The following WNT9A variants were observed in gnomAD, a reference collection of about 807,000 sequenced individuals.
WNT9A encodes protein Wnt-9a.
Under a neutral mutation model 31.4 loss-of-function variants are expected in WNT9A, and 8 were observed. That is an observed-to-expected ratio of 0.26 (90% CI 0.15 to 0.46). WNT9A has a LOEUF of 0.46. Among genes scored for constraint, WNT9A ranks in the 20% least tolerant of loss-of-function variants. The pLI is 0.99. For synonymous variants in WNT9A, 236 were observed against 220.1 expected (o/e 1.07, Z -0.64); for missense variants, 457 against 522.9 (o/e 0.87, Z 1.23).
chr1:227,945,774 C>T (rs983371155), intron 1 of WNT9A, among the ~76,000 whole-genome samples: 8 of 152,110 alleles, frequency 5.3e-5, no homozygotes, highest in Non-Finnish European at 8.8e-5. Context: ...GAGAGGCCTC[C>T]GCACAACCCA....
rs115133140 is a variant in WNT9A, at chr1:227,921,692, G to T, written c.924C>A (p.Thr308=). Residue 308 remains threonine (T), a synonymous_variant, in exon 4 of 4, where the codon ACC becomes ACA. Coordinates refer to ENST00000272164, the MANE Select transcript of WNT9A (RefSeq NM_003395.4). The part of the protein sequence containing the change: ...FCLAGRFSPG[T]AGRRCHREKN... The stretch of plus-strand genomic sequence containing the variant: ...TCTCACGGTGGCACCTACGGCCAGC[G>T]GTGCCCGGGGAGAAGCGGCCAGCCA... The T allele has an allele frequency of 8.7e-6, 14 of 1,612,812 alleles. No homozygotes were observed. Among genetic ancestry groups the T allele is most frequent in the Non-Finnish European group, 1.2e-5 (14 of 1,179,898 alleles).
chr1:227,923,872 G>A (rs1398556281), intron 3 of WNT9A, among the ~76,000 whole-genome samples: 1 of 152,130 alleles, frequency 6.6e-6, no homozygotes, highest in Admixed American at 6.5e-5. Context: ...CCCCTCTGCA[G>A]GCAGACATGG....
chr1:227,922,877 A>C (rs1359564728), intron 3 of WNT9A, among the ~76,000 whole-genome samples: 1 of 151,958 alleles, frequency 6.6e-6, no homozygotes, highest in Non-Finnish European at 1.5e-5. Context: ...AGGATTAAGA[A>C]ATCCAGCCAC....
rs1409750759 is a variant in WNT9A at position 227,920,708 on chromosome 1, A to C, written c.*810T>G. On this transcript the variant is annotated 3_prime_UTR_variant, in exon 4 of 4. Transcript: ENST00000272164. ...GCATGGTCACCAAGGTGCACCTGCC[A>C]CCCATGCCTCAGAGGAGGTGGGGAG... The C allele has an allele frequency of 6.6e-6, 1 of 152,126 alleles. No individual in the cohort carries two copies. Among genetic ancestry groups the C allele is most frequent in the Non-Finnish European group, 1.5e-5 (1 of 68,050 alleles). The allele number at this position is 152,126 out of a possible 1,614,324, so 9.4% of individuals were successfully genotyped here. A position where few individuals can be genotyped will look rare whatever the true frequency, so the allele number is the denominator to read the frequency against.
At chr1:227,927,863 G>A (rs1666445347) in intron 1 of WNT9A, among the ~76,000 whole-genome samples, 1 of 152,118 alleles carries the variant, frequency 6.6e-6, no homozygotes, top group Non-Finnish European at 1.5e-5. Flanking sequence ...AACTGTGGGT[G>A]TGGACAGGGG....
rs556517743 is a variant in WNT9A at position 227,921,372 on chromosome 1, G to A, written c.*146C>T. On this transcript the variant is annotated 3_prime_UTR_variant, in exon 4 of 4. Coordinates refer to ENST00000272164, the MANE Select transcript of WNT9A (RefSeq NM_003395.4). ...GCCCAGGGACTCAGCCCATGCAGGT[G>A]TAGACCCATTCACACTGTGTGCAAT... 3.0e-6 allele frequency: 4 copies of A among 1,319,572 alleles called. No individual in the cohort carries two copies. The African/African-American group carries it at 4.6e-5, about 15-fold the overall frequency. 81.7% of individuals were successfully genotyped at this position (1,319,572 alleles called of 1,614,324 possible). A position where few individuals can be genotyped will look rare whatever the true frequency, so the allele number is the denominator to read the frequency against.
chr1:227,928,123 G>T lies in WNT9A; in HGVS notation c.96-2604C>A, dbSNP rs756182153. Among the ~76,000 whole-genome samples, 7 of 152,214 alleles carry T rather than the reference G, an allele frequency of 4.6e-5. No homozygotes were observed. The highest frequency in any genetic ancestry group is 3.4e-3 in the Middle Eastern group (1 of 294). ...GGTCAGTGTGAGGCCCGAGCACGCC[G>T]GGGCACTGAGAGCTGGTTTGACGGT... On this transcript the variant is annotated intron_variant, in intron 1 of 3. Coordinates refer to ENST00000272164, the MANE Select transcript of WNT9A (RefSeq NM_003395.4). This position sits in a 1 kb window ranked among gnomAD's most constrained non-coding sequence, Gnocchi z 4.5.
chr1:227,924,059 C>CCA, intron 3 of WNT9A, 79 bp downstream of exon 3: 1 of 695,792 alleles, frequency 1.4e-6, no homozygotes, highest in Non-Finnish European at 2.1e-6. Context: ...GCCCCGCCCC[C>CCA]AGTCCCACGC....
intron 3 of WNT9A, among the ~76,000 whole-genome samples, chr1:227,922,387 C>G (rs1666337219): frequency 6.6e-6 from 1 of 152,262 alleles, no homozygotes; most frequent in Non-Finnish European, 1.5e-5. Context: ...GCTCTCAGCA[C>G]ACAGCTTGCT....
intron 1 of WNT9A, among the ~76,000 whole-genome samples, chr1:227,934,707 C>T (rs1386584509): frequency 2.0e-5 from 3 of 152,184 alleles, no homozygotes; most frequent in African/African-American, 7.2e-5. Flanking sequence ...AAAGCTATCA[C>T]TGTCATCATT....
In WNT9A at chr1:227,921,459, C is replaced by A; in HGVS notation, c.*59G>T. The A allele has an allele frequency of 2.6e-6, 4 of 1,556,736 alleles. No individual in the cohort carries two copies. The South Asian group carries it at 3.7e-5, about 14-fold the overall frequency. On this transcript the variant is annotated 3_prime_UTR_variant, in exon 4 of 4. Coordinates refer to ENST00000272164, the MANE Select transcript of WNT9A (RefSeq NM_003395.4). Reference sequence around the variant, plus strand: ...GAACTCAGCCTGTGCAGGTGTAGACCCTTCACACCGTGTGCAATGCCTGCA... The same window carrying A: ...GAACTCAGCCTGTGCAGGTGTAGACACTTCACACCGTGTGCAATGCCTGCA...
chr1:227,945,089 C>T (rs1357393634), intron 1 of WNT9A, among the ~76,000 whole-genome samples: 8 of 152,212 alleles, frequency 5.3e-5, no homozygotes, highest in Admixed American at 5.2e-4. Flanking sequence ...TCCGGATCTA[C>T]CATCTCAGCT....
rs1009881564 is a variant in WNT9A at position 227,922,146 on chromosome 1, C to T, written c.616-146G>A. 1.1e-5 allele frequency: 14 copies of T among 1,281,570 alleles called. No individual in the cohort carries two copies. In the African/African-American group the frequency reaches 2.0e-4, roughly 18 times the overall value. 79.4% of individuals were successfully genotyped at this position (1,281,570 alleles called of 1,614,324 possible). A position where few individuals can be genotyped will look rare whatever the true frequency, so the allele number is the denominator to read the frequency against. On this transcript the variant is annotated intron_variant, in intron 3 of 3. Transcript: ENST00000272164. ...GCGGGCGTCACCACTGCACATCTCA[C>T]ATCCAGCTCAGTCTCCCGGCTCGTA...
At chr1:227,932,418 C>T (rs1264818832) in intron 1 of WNT9A, among the ~76,000 whole-genome samples, 4 of 152,190 alleles carry the variant, frequency 2.6e-5, no homozygotes, top group Non-Finnish European at 5.9e-5. Flanking sequence ...CAGTGACTTC[C>T]TCCCCTGAAG....
Position 227,925,783 on chromosome 1 carries a change from G to A in WNT9A, c.96-264C>T, listed in dbSNP as rs987379864. Among the ~76,000 whole-genome samples, 1 of 152,072 alleles carries A rather than the reference G, an allele frequency of 6.6e-6. No homozygotes were observed. Among genetic ancestry groups the A allele is most frequent in the Admixed American group, 6.5e-5 (1 of 15,270 alleles). On this transcript the variant is annotated intron_variant, in intron 1 of 3. Transcript: ENST00000272164. The surrounding 1 kb of genome is among the most constrained non-coding windows in gnomAD (Gnocchi z 6.0). ...CCGACTCGACCCCCACAGTTTCAGGGAGTCTAGCTGACTCTGGCTGCACTG... is the reference window on the plus strand; with the variant it reads ...CCGACTCGACCCCCACAGTTTCAGGAAGTCTAGCTGACTCTGGCTGCACTG...
intron 1 of WNT9A, among the ~76,000 whole-genome samples, chr1:227,927,214 G>T (rs1329703900): frequency 6.6e-6 from 1 of 152,124 alleles, no homozygotes; most frequent in Non-Finnish European, 1.5e-5. Flanking sequence ...TGCTGCAGAG[G>T]GGGTCTTCAC....
intron 1 of WNT9A, among the ~76,000 whole-genome samples, chr1:227,946,573 A>C (rs1040261826): frequency 6.6e-6 from 1 of 152,234 alleles, no homozygotes; most frequent in Non-Finnish European, 1.5e-5. Context: ...TGGGGGCCCC[A>C]GGGAACTGAG....
chr1:227,943,202 C>G (rs2102731669), intron 1 of WNT9A, among the ~76,000 whole-genome samples: 1 of 152,296 alleles, frequency 6.6e-6, no homozygotes, highest in South Asian at 2.1e-4. Context: ...CCCTGAGCAC[C>G]CAGAACTGCC....
At chr1:227,937,844 G>A (rs2102727642) in intron 1 of WNT9A, among the ~76,000 whole-genome samples, 1 of 152,370 alleles carries the variant, frequency 6.6e-6, no homozygotes, top group South Asian at 2.1e-4. Flanking sequence ...CAGCAGCACA[G>A]ATTTTGGAAA....
Sources: gnomAD v4.1 joint callset for allele counts (sites outside exome capture counted in the v4.1 genomes callset) on GRCh38, gnomAD v4.1.1 for gene constraint, Gnocchi (gnomAD v3.1) non-coding constraint, MANE v1.5 for transcripts, NCBI Gene and HGNC (gene_info 2026-07-23, HGNC 2026-07-21) for gene names.